The following DLGAP4 variants were observed in gnomAD, a reference collection of about 807,000 sequenced individuals.
DLGAP4 encodes DLG associated protein 4, also known as disks large-associated protein 4.
A neutral mutation model predicts 86.9 loss-of-function variants in DLGAP4; 18 were observed. The observed-to-expected ratio is 0.21, with a 90% CI of 0.14 to 0.31. DLGAP4 has a LOEUF of 0.31. Ranked by LOEUF, DLGAP4 falls within the 10% of genes least tolerant of loss-of-function variation. The probability of loss-of-function intolerance (pLI) is 1.00; values close to 1 mark genes in which losing one functional copy is unlikely to be tolerated. For synonymous variants in DLGAP4, 548 were observed against 574.3 expected (o/e 0.95, Z 0.65); for missense variants, 1,085 against 1,362.6 (o/e 0.80, Z 3.21).
chr20:36,425,431 G>A (rs948628344), intron 2 of DLGAP4, among the ~76,000 whole-genome samples: 5 of 152,160 alleles, frequency 3.3e-5, no homozygotes, highest in African/African-American at 4.8e-5. Flanking sequence ...AAGGAAATAA[G>A]TTCTGGCAAG....
intron 7 of DLGAP4, among the ~76,000 whole-genome samples, chr20:36,481,879 G>T (rs994638836): frequency 6.6e-6 from 1 of 152,184 alleles, no homozygotes; most frequent in Non-Finnish European, 1.5e-5. Flanking sequence ...CTCAGTGTCT[G>T]TGGTCAGCTG....
chr20:36,474,795 C>T (rs1481965464), intron 7 of DLGAP4, among the ~76,000 whole-genome samples: 2 of 152,194 alleles, frequency 1.3e-5, no homozygotes, highest in African/African-American at 4.8e-5. Context: ...CCTACCCCAC[C>T]TCCACTTCTC....
rs1555893406 is a variant in DLGAP4, at chr20:36,350,865, G to A, written c.-303-16180G>A. Among the ~76,000 whole-genome samples the A allele has an allele frequency of 6.6e-6, 1 of 152,226 alleles. No homozygotes were observed. Among genetic ancestry groups the A allele is most frequent in the African/African-American group, 2.4e-5 (1 of 41,454 alleles). On this transcript the variant is annotated intron_variant, in intron 1 of 12. Coordinates refer to ENST00000339266, the MANE Select transcript of DLGAP4 (RefSeq NM_001365621.2). The surrounding 1 kb of genome is among the most constrained non-coding windows in gnomAD (Gnocchi z 4.4). ...CTGCCCCAGAGGCTGCTTGTGATTG[G>A]GGGAAGGAGGGCTGTCCCTGCCAGC... is the stretch of plus-strand genomic sequence containing the variant.
Position 36,527,185 on chromosome 20 carries a change from G to C in DLGAP4, c.*154G>C. 1 of 660,370 alleles carries C rather than the reference G, an allele frequency of 1.5e-6. No homozygotes were observed. Among genetic ancestry groups the C allele is most frequent in the Non-Finnish European group, 2.4e-6 (1 of 423,458 alleles). The allele number at this position is 660,370 out of a possible 1,614,324, so 40.9% of individuals were successfully genotyped here. A position where few individuals can be genotyped will look rare whatever the true frequency, so the allele number is the denominator to read the frequency against. ...GACGCATACAAGGGCTCACAATTTG[G>C]CTTTTTTGGGTCCCTCCCAGCTTTA... On this transcript the variant is annotated 3_prime_UTR_variant, in exon 13 of 13. Transcript: ENST00000339266.
chr20:36,467,784 G>T (rs1353971898), intron 7 of DLGAP4, among the ~76,000 whole-genome samples: 2 of 152,338 alleles, frequency 1.3e-5, no homozygotes, highest in East Asian at 3.9e-4. Context: ...GTAGCAGTCT[G>T]AGCACATTTC....
chr20:36,373,000 T>C (rs889803664), intron 2 of DLGAP4, among the ~76,000 whole-genome samples: 3 of 152,220 alleles, frequency 2.0e-5, no homozygotes, highest in African/African-American at 7.2e-5. Flanking sequence ...TGATTTTTTT[T>C]TCACTTTTGT....
intron 7 of DLGAP4, among the ~76,000 whole-genome samples, chr20:36,470,116 G>C (rs569320383): frequency 7.9e-5 from 12 of 152,110 alleles, no homozygotes; most frequent in African/African-American, 2.9e-4. Context: ...GGACTTGCCA[G>C]GATCCCATAC....
chr20:36,325,908 G>A (rs6017107), intron 1 of DLGAP4, among the ~76,000 whole-genome samples: 27 of 151,998 alleles, frequency 1.8e-4, no homozygotes, highest in African/African-American at 5.8e-4. Context: ...AGTAGAGACA[G>A]GGTTTCACTA....
At chr20:36,519,195 C>G (rs998901362) in intron 10 of DLGAP4, among the ~76,000 whole-genome samples, 1 of 151,974 alleles carries the variant, frequency 6.6e-6, no homozygotes, top group African/African-American at 2.4e-5. Context: ...AGGAGGATTG[C>G]GCACGCACAG....
chr20:36,515,310 C>T (rs1421180099), intron 10 of DLGAP4, among the ~76,000 whole-genome samples: 3 of 152,120 alleles, frequency 2.0e-5, no homozygotes, highest in Non-Finnish European at 4.4e-5. Flanking sequence ...TTTGTGTTTG[C>T]CTAAGAGTTA....
rs1221204222 is a variant in DLGAP4 at position 36,346,757 on chromosome 20, C to A, written c.-303-20288C>A. Among the ~76,000 whole-genome samples the A allele has an allele frequency of 2.0e-5, 3 of 152,136 alleles. No individual in the cohort carries two copies. The East Asian group carries it at 5.8e-4, about 29-fold the overall frequency. ...TGACCCCAATTTCTACTCTTCCCCT[C>A]TACTCCAGTTCTTTCCCATCACCTC... On this transcript the variant is annotated intron_variant, in intron 1 of 12. Transcript: ENST00000339266.
intron 2 of DLGAP4, among the ~76,000 whole-genome samples, chr20:36,419,113 TTTC>T (rs2147515727): frequency 6.6e-6 from 1 of 152,130 alleles, no homozygotes. Context: ...GACCTATTTC[TTTC>T]TTTCTTTTTT....
chr20:36,454,412 C>G (rs569198399), intron 7 of DLGAP4, among the ~76,000 whole-genome samples: 86 of 152,090 alleles, frequency 5.7e-4, no homozygotes, highest in African/African-American at 2.0e-3. Flanking sequence ...TAAATTATGT[C>G]TATGTGGTGA....
chr20:36,332,918 TG>T, intron 1 of DLGAP4, among the ~76,000 whole-genome samples: 1 of 152,314 alleles, frequency 6.6e-6, no homozygotes, highest in Non-Finnish European at 1.5e-5. Flanking sequence ...TGTATATTCA[TG>T]GAGCTTCAAA....
intron 7 of DLGAP4, among the ~76,000 whole-genome samples, chr20:36,476,033 A>G (rs2034900276): frequency 1.3e-5 from 2 of 151,668 alleles, no homozygotes; most frequent in Admixed American, 1.3e-4. Context: ...TAATTTTTGT[A>G]TTTTTAGTAG....
chr20:36,434,921 T>C (rs958394162), intron 3 of DLGAP4, among the ~76,000 whole-genome samples: 1 of 152,058 alleles, frequency 6.6e-6, no homozygotes, highest in African/African-American at 2.4e-5. Context: ...ACATGTGCAG[T>C]CTGGTGAGGG....
intron 1 of DLGAP4, among the ~76,000 whole-genome samples, chr20:36,357,493 G>A (rs1405519399): frequency 6.6e-6 from 1 of 152,210 alleles, no homozygotes; most frequent in Non-Finnish European, 1.5e-5. Flanking sequence ...GCCACTGTGA[G>A]GAATCCAAAG....
chr20:36,315,216 G>A (rs2065088040), intron 1 of DLGAP4, among the ~76,000 whole-genome samples: 1 of 151,768 alleles, frequency 6.6e-6, no homozygotes, highest in Non-Finnish European at 1.5e-5. Flanking sequence ...GTTTGTGTGC[G>A]TTGTGTTACA....
rs1159201235 is a variant in DLGAP4 at position 36,393,199 on chromosome 20, G to A, written c.-73+25924G>A. On this transcript the variant is annotated intron_variant, in intron 2 of 12. Coordinates refer to ENST00000339266, the MANE Select transcript of DLGAP4 (RefSeq NM_001365621.2). This position sits in a 1 kb window ranked among gnomAD's most constrained non-coding sequence, Gnocchi z 4.4. ...TAGGGCAGAAGGGGTGGAAGGGGGT[G>A]ATTCAAATCCCAGGGGATGAGGTGC... Among the ~76,000 whole-genome samples the A allele has an allele frequency of 6.6e-6, 1 of 152,070 alleles. No individual in the cohort carries two copies. The highest frequency in any genetic ancestry group is 2.4e-5 in the African/African-American group (1 of 41,376).
Sources: allele counts gnomAD v4.1 joint callset (sites outside exome capture counted in the v4.1 genomes callset), GRCh38; gene constraint gnomAD v4.1.1; non-coding constraint Gnocchi (gnomAD v3.1); transcripts MANE v1.5; gene names NCBI Gene and HGNC (gene_info 2026-07-23, HGNC 2026-07-21).